BCR: variants seen among roughly 807,000 people sequenced by gnomAD.
BCR encodes the protein BCR activator of RhoGEF and GTPase, also known as breakpoint cluster region protein.
BCR carries 58 observed loss-of-function variants against 138.6 expected under a neutral mutation model. The ratio of observed to expected loss-of-function variants is 0.42; its 90% CI spans 0.34 to 0.52. The LOEUF is 0.52. Among genes scored for constraint, BCR ranks in the 20% least tolerant of loss-of-function variants. The probability of loss-of-function intolerance (pLI) is 0.06; values close to 1 mark genes in which losing one functional copy is unlikely to be tolerated. For missense variants in BCR, 1,599 were observed against 1,727.2 expected (o/e 0.93, Z 1.32); for synonymous variants, 786 against 730.1 (o/e 1.08, Z -1.23).
chr22:23,195,143 G>C (rs1311409543), intron 1 of BCR, among the ~76,000 whole-genome samples: 3 of 152,048 alleles, frequency 2.0e-5, no homozygotes, highest in African/African-American at 7.2e-5. Flanking sequence ...TGAGCAGGCT[G>C]AGAGCAGTGG....
intron 21 of BCR, 33 bp downstream of exon 21, chr22:23,314,106 C>G: frequency 1.3e-6 from 2 of 1,545,106 alleles, no homozygotes; most frequent in South Asian, 2.2e-5. Flanking sequence ...GCCCAGGGCT[C>G]CAGGTCCCCA....
In BCR at chr22:23,239,696, T is replaced by C. The variant is rs2083286572; in HGVS notation, c.1280-14103T>C. Among the ~76,000 whole-genome samples, 3 of 152,236 alleles carry C rather than the reference T, an allele frequency of 2.0e-5. No homozygotes were observed. The South Asian group carries it at 6.2e-4, about 31-fold the overall frequency. On this transcript the variant is annotated intron_variant, in intron 1 of 22. Coordinates refer to ENST00000305877, the MANE Select transcript of BCR (RefSeq NM_004327.4). Reference sequence around the variant, plus strand: ...ATAGAAATTTATCATCTCACAGTTCTGACGACTGGAAATATGAGATTGAGA... The same window carrying C: ...ATAGAAATTTATCATCTCACAGTTCCGACGACTGGAAATATGAGATTGAGA...
chr22:23,269,413 G>A lies in BCR; in HGVS notation c.1860+898G>A, dbSNP rs537190464. 3.3e-5 allele frequency among the ~76,000 whole-genome samples: 5 copies of A among 152,334 alleles called. No individual in the cohort carries two copies. The East Asian group carries it at 7.7e-4, about 24-fold the overall frequency. On this transcript the variant is annotated intron_variant, in intron 5 of 22. Transcript: ENST00000305877. ...AAGCCCTCCGTGTGAGAACCGCAGG[G>A]TTAGAAAGAGGCATGGGCACTAGAA... is the stretch of plus-strand genomic sequence containing the variant.
chr22:23,206,116 C>A (rs1390926694), intron 1 of BCR, among the ~76,000 whole-genome samples: 2 of 152,126 alleles, frequency 1.3e-5, no homozygotes, highest in African/African-American at 4.8e-5. Flanking sequence ...TTCTAACTTC[C>A]CTTTCTCTTC....
At position 23,225,382 on chromosome 22, in the gene BCR, C is replaced by CCT. The variant is rs3054228; in HGVS notation, c.1280-28417_1280-28416insCT. ...ACCCCACCATGCTTCTTAGACCCTG[C>CCT]GGCAGGCTGGCCAGCCCAGGTGGAG... On this transcript the variant is annotated intron_variant, in intron 1 of 22. Coordinates refer to ENST00000305877, the MANE Select transcript of BCR (RefSeq NM_004327.4). 2.7e-3 allele frequency among the ~76,000 whole-genome samples: 411 copies of CCT among 151,982 alleles called. 2 individuals are homozygous for CCT. The highest frequency in any genetic ancestry group is 9.5e-3 in the African/African-American group (394 of 41,454).
chr22:23,205,317 T>C (rs2072598560), intron 1 of BCR, among the ~76,000 whole-genome samples: 2 of 152,212 alleles, frequency 1.3e-5, no homozygotes, highest in East Asian at 3.8e-4. Context: ...GAAGCCACGC[T>C]TTCCTTCAGA....
intron 2 of BCR, among the ~76,000 whole-genome samples, chr22:23,255,001 C>A (rs1156349506): frequency 6.6e-6 from 1 of 151,972 alleles, no homozygotes; most frequent in Non-Finnish European, 1.5e-5. Flanking sequence ...TGCACTCCAG[C>A]CTGGGCAACA....
Position 23,271,605 on chromosome 22 carries a change from T to C in BCR, c.1921+13T>C, listed in dbSNP as rs749603912. The C allele has an allele frequency of 6.2e-7, 1 of 1,613,226 alleles. No homozygotes were observed. Among genetic ancestry groups the C allele is most frequent in the Non-Finnish European group, 8.5e-7 (1 of 1,179,478 alleles). ...AACTCTCTGGAAAGTGAGTTCTGCA[T>C]GCTGAGGTCTCTGTGTGCCCTCGTC... On this transcript the variant is annotated intron_variant, in intron 6 of 22. Transcript: ENST00000305877.
intron 18 of BCR, among the ~76,000 whole-genome samples, chr22:23,310,823 C>A (rs1394969247): frequency 1.3e-5 from 2 of 152,090 alleles, no homozygotes; most frequent in African/African-American, 4.8e-5. Context: ...TCTGAGAATT[C>A]ATTTGCTTCC....
intron 2 of BCR, among the ~76,000 whole-genome samples, chr22:23,256,362 C>T (rs1280110015): frequency 6.6e-6 from 1 of 152,122 alleles, no homozygotes; most frequent in African/African-American, 2.4e-5. Context: ...CAGACAGAGG[C>T]TGGACAGAGG....
intron 1 of BCR, among the ~76,000 whole-genome samples, chr22:23,212,634 G>A (rs1164594394): frequency 6.6e-6 from 1 of 152,224 alleles, no homozygotes; most frequent in Non-Finnish European, 1.5e-5. Flanking sequence ...GGGACACAGG[G>A]GCCTTTTGGA....
At chr22:23,182,986 ATGG>A (rs1053920461) in intron 1 of BCR, among the ~76,000 whole-genome samples, 8 of 152,160 alleles carry the variant, frequency 5.3e-5, no homozygotes, top group African/African-American at 1.9e-4. Flanking sequence ...AGGCTCCTCC[ATGG>A]TGGTAACCCA....
At chr22:23,313,399 A>G (rs528285828) in intron 20 of BCR, among the ~76,000 whole-genome samples, 2 of 152,256 alleles carry the variant, frequency 1.3e-5, no homozygotes, top group South Asian at 4.1e-4. Context: ...CCCTTAGTCA[A>G]CCTGGAGGCT....
At chr22:23,263,511 T>A (rs930765400) in intron 4 of BCR, 1 of 1,574,340 alleles carries the variant, frequency 6.4e-7, no homozygotes, top group Admixed American at 1.7e-5. Flanking sequence ...TGATGCTTTG[T>A]ACATATCCCA....
intron 1 of BCR, among the ~76,000 whole-genome samples, chr22:23,243,527 C>T (rs1231506009): frequency 6.6e-6 from 1 of 152,130 alleles, no homozygotes; most frequent in Non-Finnish European, 1.5e-5. Flanking sequence ...TGGAAGCTCC[C>T]CCACAATACA....
intron 16 of BCR, among the ~76,000 whole-genome samples, chr22:23,305,449 C>T (rs537915625): frequency 5.3e-5 from 8 of 152,294 alleles, no homozygotes; most frequent in Non-Finnish European, 8.8e-5. Context: ...GGATGTCCTC[C>T]GGCTGCCCAT....
intron 16 of BCR, among the ~76,000 whole-genome samples, chr22:23,299,692 G>GTT (rs1282579158): frequency 8.3e-6 from 1 of 120,832 alleles, no homozygotes; most frequent in East Asian, 2.2e-4. Flanking sequence ...TGGATCTAGA[G>GTT]TTTATATATA....
chr22:23,317,104 G>C lies in BCR; in HGVS notation c.*1582G>C, dbSNP rs2146336138. ...GGCACCCGCTCCCAAGGTGGGAGGAGTGGGTGTCCCCTGTGTGTCAGTGGG... is the reference window on the plus strand; with the variant it reads ...GGCACCCGCTCCCAAGGTGGGAGGACTGGGTGTCCCCTGTGTGTCAGTGGG... On this transcript the variant is annotated 3_prime_UTR_variant, in exon 23 of 23. Coordinates refer to ENST00000305877, the MANE Select transcript of BCR (RefSeq NM_004327.4). 5.2e-6 allele frequency: 1 copy of C among 192,282 alleles called. No homozygotes were observed. The highest frequency in any genetic ancestry group is 8.4e-5 in the East Asian group (1 of 11,900). 11.9% of individuals were successfully genotyped at this position (192,282 alleles called of 1,614,324 possible).
At chr22:23,220,819 AG>A (rs2072816440) in intron 1 of BCR, among the ~76,000 whole-genome samples, 1 of 152,198 alleles carries the variant, frequency 6.6e-6, no homozygotes, top group African/African-American at 2.4e-5. Flanking sequence ...GAGAGCAGCC[AG>A]TTTGCACTGT....
Sources: allele counts gnomAD v4.1 joint callset (sites outside exome capture counted in the v4.1 genomes callset), GRCh38; gene constraint gnomAD v4.1.1; transcripts MANE v1.5; gene names NCBI Gene and HGNC (gene_info 2026-07-23, HGNC 2026-07-21).